Variants in ATP2A3 observed in about 807,000 individuals in gnomAD.
ATP2A3 encodes sarcoplasmic/endoplasmic reticulum calcium ATPase 3.
A neutral mutation model predicts 106.8 loss-of-function variants in ATP2A3; 61 were observed. The ratio of observed to expected loss-of-function variants is 0.57; its 90% confidence interval spans 0.46 to 0.71. ATP2A3 has a LOEUF of 0.71. Ranked by LOEUF, ATP2A3 falls within the 30% of genes least tolerant of loss-of-function variation. The probability of loss-of-function intolerance (pLI) is 0.00; values close to 1 mark genes in which losing one functional copy is unlikely to be tolerated. For synonymous variants in ATP2A3, 611 were observed against 609.3 expected (o/e 1.00, Z -0.04); for missense variants, 1,201 against 1,423.5 (o/e 0.84, Z 2.52).
rs544067555 is a variant in ATP2A3, at chr17:3,926,298, G to A, written c.2981-857C>T. 2.6e-5 allele frequency among the ~76,000 whole-genome samples: 4 copies of A among 152,306 alleles called. No individual in the cohort carries two copies. The highest frequency in any genetic ancestry group is 3.9e-4 in the East Asian group (2 of 5,186). ...ACCCCCGCCCCGTCTGGCTTTAGGA[G>A]GCCCCAGGGACTGCAGTAGCGCTGG... On this transcript the variant is annotated intron_variant, in intron 20 of 20. Coordinates refer to ENST00000397041, the MANE Select transcript of ATP2A3 (RefSeq NM_005173.4). This position sits in a 1 kb window ranked among gnomAD's most constrained non-coding sequence, Gnocchi z 4.6.
Position 3,936,539 on chromosome 17 carries a change from T to A in ATP2A3, c.2322-70A>T. The A allele has an allele frequency of 1.3e-6, 2 of 1,549,886 alleles. No homozygotes were observed. The highest frequency in any genetic ancestry group is 1.8e-6 in the Non-Finnish European group (2 of 1,125,022). ...GGCAGATGCAGGCTCCAGCTCCTGC[T>A]CAGACCCAAGGCTGGGAGCTCACCC... On this transcript the variant is annotated intron_variant, in intron 15 of 20. Transcript: ENST00000397041. This position sits in a 1 kb window ranked among gnomAD's most constrained non-coding sequence, Gnocchi z 5.4.
chr17:3,935,950 C>T (rs1383298270), intron 16 of ATP2A3, among the ~76,000 whole-genome samples: 1 of 152,180 alleles, frequency 6.6e-6, no homozygotes, highest in African/African-American at 2.4e-5. Flanking sequence ...TATCATACTA[C>T]CGGGAGAGCA....
In ATP2A3 at chr17:3,949,674, T is replaced by G. The variant is rs552512349; in HGVS notation, c.630+837A>C. Among the ~76,000 whole-genome samples, 39 of 152,322 alleles carry G rather than the reference T, an allele frequency of 2.6e-4. 1 individual carries two copies. The South Asian group carries it at 7.9e-3, about 31-fold the overall frequency. ...TTGTTTCTTTCCTTGCTGGAAAATATAGATAACAAGCATAACAAGAGTACT... is the reference window on the plus strand; with the variant it reads ...TTGTTTCTTTCCTTGCTGGAAAATAGAGATAACAAGCATAACAAGAGTACT... On this transcript the variant is annotated intron_variant, in intron 7 of 20. Transcript: ENST00000397041.
At chr17:3,951,558 G>GCCCCCCCCCCCGCCCCC in intron 4 of ATP2A3, 23 bp downstream of exon 4, 4 of 716,224 alleles carry the variant, frequency 5.6e-6, no homozygotes, top group East Asian at 4.4e-5. Context: ...CCCCCGCCCG[G>GCCCCCCCCCCCGCCCCC]TCCCACCCCC....
intron 8 of ATP2A3, among the ~76,000 whole-genome samples, chr17:3,945,756 C>T (rs887585711): frequency 1.3e-5 from 2 of 152,200 alleles, no homozygotes; most frequent in Non-Finnish European, 2.9e-5. Context: ...GCCAGCTCTG[C>T]TGGGGAGACA....
At chr17:3,942,090 C>T (rs934083992) in intron 12 of ATP2A3, among the ~76,000 whole-genome samples, 4 of 152,138 alleles carry the variant, frequency 2.6e-5, no homozygotes, top group African/African-American at 7.2e-5. Context: ...CAGGGTATGG[C>T]GGGCATAGCC....
chr17:3,925,012 G>A lies in ATP2A3; in HGVS notation c.*410C>T, dbSNP rs886143079. 1.3e-5 allele frequency: 5 copies of A among 398,816 alleles called. No individual in the cohort carries two copies. The highest frequency in any genetic ancestry group is 6.2e-5 in the African/African-American group (3 of 48,426). 24.7% of individuals were successfully genotyped at this position (398,816 alleles called of 1,614,324 possible). A position where few individuals can be genotyped will look rare whatever the true frequency, so the allele number is the denominator to read the frequency against. ...CCCCAGAGTCCTCCGTCAGTGCAGA[G>A]GCACCAGTCACCAAGTGAACGTCCA... On this transcript the variant is annotated 3_prime_UTR_variant, in exon 21 of 21. Coordinates refer to ENST00000397041, the MANE Select transcript of ATP2A3 (RefSeq NM_005173.4). This position sits in a 1 kb window ranked among gnomAD's most constrained non-coding sequence, Gnocchi z 4.2.
chr17:3,929,195 G>A lies in ATP2A3; in HGVS notation c.2862+133C>T, dbSNP rs1230226172. 5 of 818,896 alleles carry A rather than the reference G, an allele frequency of 6.1e-6. No individual in the cohort carries two copies. The highest frequency in any genetic ancestry group is 9.5e-6 in the Non-Finnish European group (5 of 524,378). 50.7% of individuals were successfully genotyped at this position (818,896 alleles called of 1,614,324 possible). A position where few individuals can be genotyped will look rare whatever the true frequency, so the allele number is the denominator to read the frequency against. ...GAAGGTGGGGCCACAGCTGGAGGTGGTGGCTGGCCAGACCTCTCACCTCCC... is the reference window on the plus strand; with the variant it reads ...GAAGGTGGGGCCACAGCTGGAGGTGATGGCTGGCCAGACCTCTCACCTCCC... On this transcript the variant is annotated intron_variant, in intron 19 of 20. Coordinates refer to ENST00000397041, the MANE Select transcript of ATP2A3 (RefSeq NM_005173.4). The surrounding 1 kb of genome is among the most constrained non-coding windows in gnomAD (Gnocchi z 4.3).
At chr17:3,959,574 A>G (rs973061685) in intron 1 of ATP2A3, among the ~76,000 whole-genome samples, 23 of 152,098 alleles carry the variant, frequency 1.5e-4, no homozygotes, top group Middle Eastern at 3.2e-3. Flanking sequence ...TCCTTCCTTC[A>G]TTGGAAACTG....
At position 3,936,157 on chromosome 17, in the gene ATP2A3, A is replaced by G. The variant is rs2053429932; in HGVS notation, c.2524+110T>C. 1 of 1,379,004 alleles carries G rather than the reference A, an allele frequency of 7.3e-7. No individual in the cohort carries two copies. Among genetic ancestry groups the G allele is most frequent in the Non-Finnish European group, 1.0e-6 (1 of 970,614 alleles). The allele number at this position is 1,379,004 out of a possible 1,614,324, so 85.4% of individuals were successfully genotyped here. On this transcript the variant is annotated intron_variant, in intron 16 of 20. Coordinates refer to ENST00000397041, the MANE Select transcript of ATP2A3 (RefSeq NM_005173.4). The surrounding 1 kb of genome is among the most constrained non-coding windows in gnomAD (Gnocchi z 5.4). ...TCTTTTCCATTACATGAGCTCATAC[A>G]GTTTCTACTGGCACAAGCCAGGCTG...
Position 3,928,534 on chromosome 17 carries a change from G to T in ATP2A3, c.2980+129C>A. On this transcript the variant is annotated intron_variant, in intron 20 of 20. Coordinates refer to ENST00000397041, the MANE Select transcript of ATP2A3 (RefSeq NM_005173.4). The surrounding 1 kb of genome is among the most constrained non-coding windows in gnomAD (Gnocchi z 6.1). Reference sequence around the variant, plus strand: ...AGCCCCTTCACACCCTCCACTTGGTGATCCGAGAACGCCTCCCCGATGTGC... The same window carrying T: ...AGCCCCTTCACACCCTCCACTTGGTTATCCGAGAACGCCTCCCCGATGTGC... The T allele has an allele frequency of 9.9e-7, 1 of 1,009,246 alleles. No homozygotes were observed. Among genetic ancestry groups the T allele is most frequent in the Non-Finnish European group, 1.5e-6 (1 of 663,722 alleles). 62.5% of individuals were successfully genotyped at this position (1,009,246 alleles called of 1,614,324 possible). A position where few individuals can be genotyped will look rare whatever the true frequency, so the allele number is the denominator to read the frequency against.
chr17:3,944,588 G>T (rs972775534), intron 10 of ATP2A3, 116 bp downstream of exon 10: 2 of 1,038,952 alleles, frequency 1.9e-6, no homozygotes, highest in Admixed American at 2.0e-5. Flanking sequence ...CGTGCTCCCT[G>T]GGTGTGGCAC....
chr17:3,935,110 T>C (rs1324654367), intron 17 of ATP2A3, 82 bp downstream of exon 17: 2 of 1,419,508 alleles, frequency 1.4e-6, no homozygotes, highest in Admixed American at 1.7e-5. Context: ...AGGCCACCCA[T>C]GCGGCTCTAG....
chr17:3,947,616 A>G lies in ATP2A3; in HGVS notation c.870T>C (p.Arg290=), dbSNP rs55837933. 0.013 allele frequency: 20,778 copies of G among 1,612,504 alleles called. 2,319 individuals are homozygous for G. In the African/African-American group the frequency reaches 0.24, roughly 19 times the overall value. Residue 290 remains arginine, a synonymous_variant, in exon 8 of 21, where the codon CGT becomes CGC. Coordinates refer to ENST00000397041, the MANE Select transcript of ATP2A3 (RefSeq NM_005173.4). The surrounding 1 kb of genome is among the most constrained non-coding windows in gnomAD (Gnocchi z 7.7). The part of the protein sequence containing the change: ...ADPAHGGSWL[R]GAVYYFKIAV... ...CGATCTTGAAGTAGTAGACAGCGCC[A>G]CGCAGCCAGGAGCCACCGTGGGCCG...
rs1385260968 is a variant in ATP2A3, at chr17:3,953,835, A to G, written c.119-125T>C. On this transcript the variant is annotated intron_variant, in intron 1 of 20. Coordinates refer to ENST00000397041, the MANE Select transcript of ATP2A3 (RefSeq NM_005173.4). This position sits in a 1 kb window ranked among gnomAD's most constrained non-coding sequence, Gnocchi z 5.1. ...CGCCCAGACCCCCACCACGGACTGG[A>G]TGTATCCCCAGGGCTCTCTGAGGCC... is the stretch of plus-strand genomic sequence containing the variant. 3 of 1,047,354 alleles carry G rather than the reference A, an allele frequency of 2.9e-6. No homozygotes were observed. The highest frequency in any genetic ancestry group is 2.9e-6 in the Non-Finnish European group (2 of 690,512). 64.9% of individuals were successfully genotyped at this position (1,047,354 alleles called of 1,614,324 possible).
chr17:3,956,901 A>G (rs1358813173), intron 1 of ATP2A3, among the ~76,000 whole-genome samples: 3 of 152,220 alleles, frequency 2.0e-5, no homozygotes, highest in Non-Finnish European at 4.4e-5. Context: ...GGTCCTGCCC[A>G]CACAGCCAGC....
At chr17:3,943,271 CAA>C (rs55661659) in intron 11 of ATP2A3, 118 bp downstream of exon 11, 268,541 of 1,295,010 alleles carry the variant, frequency 0.21, 6,735 homozygotes, top group Admixed American at 0.23. Flanking sequence ...GACTCCGTCT[CAA>C]AAAAAAAAAA....
chr17:3,956,461 C>A (rs1407092997), intron 1 of ATP2A3, among the ~76,000 whole-genome samples: 3 of 152,174 alleles, frequency 2.0e-5, no homozygotes, highest in African/African-American at 7.2e-5. Context: ...GCAGAAGTAT[C>A]CTCCGTCTGT....
At chr17:3,945,219 A>C in intron 8 of ATP2A3, 71 bp from the exon 9 acceptor site, 1 of 1,450,356 alleles carries the variant, frequency 6.9e-7, no homozygotes, top group Non-Finnish European at 9.4e-7. Flanking sequence ...AGTCGACCCC[A>C]GGGTGGGGTC....
Sources: allele counts gnomAD v4.1 joint callset (sites outside exome capture counted in the v4.1 genomes callset), GRCh38; gene constraint gnomAD v4.1.1; non-coding constraint Gnocchi (gnomAD v3.1); transcripts MANE v1.5; gene names NCBI Gene and HGNC (gene_info 2026-07-23, HGNC 2026-07-21).